The following FGD4 variants were observed in gnomAD, a reference collection of about 807,000 sequenced individuals.
The protein encoded by FGD4 is FYVE, RhoGEF and PH domain containing 4.
In FGD4, 42 loss-of-function variants were observed where a neutral mutation model predicts 102.0. That is an observed-to-expected ratio of 0.41 (90% confidence interval 0.32 to 0.53). The LOEUF (loss-of-function observed/expected upper bound fraction) is 0.53, where lower values mean the gene tolerates loss of function less well. Among genes scored for constraint, FGD4 ranks in the 20% least tolerant of loss-of-function variants. The pLI is 0.21. For synonymous variants in FGD4, 380 were observed against 375.7 expected (o/e 1.01, Z -0.13); for missense variants, 902 against 1,078.2 (o/e 0.84, Z 2.29).
At chr12:32,507,132 A>G (rs1480932686) in intron 1 of FGD4, among the ~76,000 whole-genome samples, 2 of 128,072 alleles carry the variant, frequency 1.6e-5, no homozygotes, top group Non-Finnish European at 3.1e-5. Flanking sequence ...TCCTGTGTCC[A>G]TGTGTTCTCA....
intron 5 of FGD4, chr12:32,600,490 A>G: frequency 7.9e-7 from 1 of 1,269,190 alleles, no homozygotes; most frequent in Middle Eastern, 2.2e-4. Context: ...GCCTACATGT[A>G]ACAGAATGGC....
At chr12:32,526,104 G>A (rs1050274907) in intron 1 of FGD4, among the ~76,000 whole-genome samples, 1 of 152,216 alleles carries the variant, frequency 6.6e-6, no homozygotes, top group Non-Finnish European at 1.5e-5. Flanking sequence ...GCCCCGGTGC[G>A]GGATCCACTA....
intron 1 of FGD4, among the ~76,000 whole-genome samples, chr12:32,540,460 T>G (rs911108188): frequency 6.6e-6 from 1 of 152,030 alleles, no homozygotes; most frequent in Non-Finnish European, 1.5e-5. Context: ...TTTCCAGGAA[T>G]GGAGAAGATG....
chr12:32,407,145 G>T, intron 1 of FGD4, among the ~76,000 whole-genome samples: 1 of 97,072 alleles, frequency 1.0e-5, no homozygotes. Context: ...TTTTTTTTGA[G>T]ACAGAGTCTC....
chr12:32,511,728 A>C (rs1249890535), intron 1 of FGD4: 1 of 152,202 alleles, frequency 6.6e-6, no homozygotes, highest in African/African-American at 2.4e-5. Flanking sequence ...GAAACTACAC[A>C]GAACTATAAA....
At chr12:32,600,034 A>C (rs926604473) in intron 5 of FGD4, among the ~76,000 whole-genome samples, 1 of 152,224 alleles carries the variant, frequency 6.6e-6, no homozygotes, top group Non-Finnish European at 1.5e-5. Flanking sequence ...CCTTATCATT[A>C]GTTCCAGAAG....
intron 1 of FGD4, among the ~76,000 whole-genome samples, chr12:32,492,339 A>C (rs1944127140): frequency 6.6e-6 from 1 of 151,384 alleles, no homozygotes; most frequent in South Asian, 2.1e-4. Flanking sequence ...ATTGAGAAAT[A>C]TGAAGCAGAC....
intron 1 of FGD4, among the ~76,000 whole-genome samples, chr12:32,504,558 G>A (rs148995669): frequency 6.6e-6 from 1 of 152,348 alleles, no homozygotes; most frequent in East Asian, 1.9e-4. Flanking sequence ...GGTGCTAGAT[G>A]TCTGAGGTGT....
At chr12:32,460,502 CAAAAA>C (rs111317093) in intron 1 of FGD4, among the ~76,000 whole-genome samples, 1 of 127,404 alleles carries the variant, frequency 7.8e-6, no homozygotes, top group Admixed American at 7.9e-5. Flanking sequence ...GACCCGGTCT[CAAAAA>C]AAAAAAAAGA....
intron 15 of FGD4, among the ~76,000 whole-genome samples, chr12:32,638,374 G>A (rs1186953567): frequency 2.0e-5 from 3 of 152,182 alleles, no homozygotes; most frequent in Non-Finnish European, 4.4e-5. Context: ...CTCAGTGTTG[G>A]TGTGAGGATT....
intron 1 of FGD4, among the ~76,000 whole-genome samples, chr12:32,448,308 G>T (rs1942678651): frequency 6.6e-6 from 1 of 152,136 alleles, no homozygotes; most frequent in African/African-American, 2.4e-5. Context: ...AAGAAGGGAA[G>T]GGAGCCATCA....
intron 14 of FGD4, among the ~76,000 whole-genome samples, chr12:32,628,965 C>T (rs1950339666): frequency 6.6e-6 from 1 of 152,120 alleles, no homozygotes; most frequent in Non-Finnish European, 1.5e-5. Context: ...CAAATGTTTC[C>T]TTGGTGGCAT....
At chr12:32,443,203 AG>A (rs1942501256) in intron 1 of FGD4, among the ~76,000 whole-genome samples, 1 of 152,170 alleles carries the variant, frequency 6.6e-6, no homozygotes, top group African/African-American at 2.4e-5. Flanking sequence ...TTTTAGACAT[AG>A]GCACAGTAAC....
At chr12:32,598,617 A>G in intron 5 of FGD4, 31 bp downstream of exon 5, 3 of 1,563,120 alleles carry the variant, frequency 1.9e-6, no homozygotes, top group East Asian at 4.5e-5. Context: ...ATTATTTTAT[A>G]TTTTGGCATT....
Position 32,530,941 on chromosome 12 carries a change from G to GTTTTTTTT in FGD4, c.167-33174_167-33167dup, listed in dbSNP as rs768536136. The stretch of plus-strand genomic sequence containing the variant: ...TATGACAATCAGTTTCCTAGCTTTG[G>GTTTTTTTT]TTTTTTTTTTTTTTTTTTTTTTTTT... On this transcript the variant is annotated intron_variant, in intron 1 of 16. Transcript: ENST00000534526. Among the ~76,000 whole-genome samples the GTTTTTTTT allele has an allele frequency of 6.1e-3, 427 of 70,488 alleles. 75 individuals are homozygous for GTTTTTTTT. The highest frequency in any genetic ancestry group is 0.025 in the African/African-American group (358 of 14,504). 46.2% of individuals were successfully genotyped at this position (70,488 alleles called of 152,430 possible).
chr12:32,638,039 T>C (rs1398012225), intron 15 of FGD4, among the ~76,000 whole-genome samples: 1 of 152,180 alleles, frequency 6.6e-6, no homozygotes, highest in African/African-American at 2.4e-5. Flanking sequence ...TCTTTCTTAA[T>C]TGAAGTAGGT....
At chr12:32,588,783 G>A (rs1947248857) in intron 4 of FGD4, among the ~76,000 whole-genome samples, 2 of 152,210 alleles carry the variant, frequency 1.3e-5, no homozygotes, top group Non-Finnish European at 2.9e-5. Flanking sequence ...AGAGAACAAA[G>A]GATGGGGTTT....
chr12:32,534,455 T>C, intron 1 of FGD4: 1 of 1,524,834 alleles, frequency 6.6e-7, no homozygotes, highest in Non-Finnish European at 8.8e-7. Context: ...TAAACCAGAG[T>C]AGATTAATTA....
At chr12:32,413,210 A>G (rs563817868) in intron 1 of FGD4, among the ~76,000 whole-genome samples, 1 of 152,240 alleles carries the variant, frequency 6.6e-6, no homozygotes, top group South Asian at 2.1e-4. Flanking sequence ...GCAAACCACC[A>G]TAGCACATGT....
Sources: allele counts gnomAD v4.1 joint callset (sites outside exome capture counted in the v4.1 genomes callset), GRCh38; gene constraint gnomAD v4.1.1; transcripts MANE v1.5; gene names NCBI Gene and HGNC (gene_info 2026-07-23, HGNC 2026-07-21).